NPAS3: variants seen among roughly 807,000 people sequenced by gnomAD.
NPAS3 encodes neuronal PAS domain-containing protein 3.
A neutral mutation model predicts 73.1 loss-of-function variants in NPAS3; 14 were observed. That is an observed-to-expected ratio of 0.19 (90% confidence interval 0.13 to 0.30). The LOEUF is 0.30. NPAS3 is among the 10% of genes least tolerant of loss of function. The pLI is 1.00. For missense variants in NPAS3, 1,096 were observed against 1,250.0 expected (o/e 0.88, Z 1.86); for synonymous variants, 620 against 541.5 (o/e 1.14, Z -2.01).
At chr14:33,754,298 G>T (rs1422246703) in intron 7 of NPAS3, among the ~76,000 whole-genome samples, 1 of 152,136 alleles carries the variant, frequency 6.6e-6, no homozygotes, top group Non-Finnish European at 1.5e-5. Flanking sequence ...GGAATCCGGG[G>T]TATCAAAAGA....
In NPAS3 at chr14:33,076,970, G is replaced by A. The variant is rs111278948; in HGVS notation, c.140+20976G>A. On this transcript the variant is annotated intron_variant, in intron 2 of 11. Coordinates refer to ENST00000356141, the Ensembl canonical transcript of NPAS3. ...AAATATCCAGGACTTTGTGAGGCTT[G>A]ATGAGGCTTATTCATTTGTATAAAG... Among the ~76,000 whole-genome samples the A allele has an allele frequency of 6.4e-3, 975 of 152,222 alleles. 9 individuals carry two copies. Among genetic ancestry groups the A allele is most frequent in the African/African-American group, 0.023 (941 of 41,506 alleles).
At chr14:33,278,521 C>A (rs1276714416) in intron 3 of NPAS3, among the ~76,000 whole-genome samples, 1 of 148,568 alleles carries the variant, frequency 6.7e-6, no homozygotes, top group Non-Finnish European at 1.5e-5. Flanking sequence ...AAAAAAGTAT[C>A]TCAAGAACGA....
At chr14:33,489,561 G>A (rs2051787760) in intron 4 of NPAS3, among the ~76,000 whole-genome samples, 1 of 152,162 alleles carries the variant, frequency 6.6e-6, no homozygotes, top group Admixed American at 6.6e-5. Flanking sequence ...CACTTTAAAA[G>A]AATGTAAACT....
intron 1 of NPAS3, among the ~76,000 whole-genome samples, chr14:33,053,800 C>A (rs572151909): frequency 6.6e-6 from 1 of 152,124 alleles, no homozygotes; most frequent in South Asian, 2.1e-4. Context: ...TCTTTTCCCC[C>A]CTTCCTCTCT....
chr14:33,616,147 G>A (rs1161834738), intron 5 of NPAS3, among the ~76,000 whole-genome samples: 1 of 152,176 alleles, frequency 6.6e-6, no homozygotes, highest in Non-Finnish European at 1.5e-5. Flanking sequence ...CTTTTCTTAA[G>A]CCTGCCAACT....
At chr14:33,584,599 T>G (rs1242875641) in intron 5 of NPAS3, among the ~76,000 whole-genome samples, 1 of 152,178 alleles carries the variant, frequency 6.6e-6, no homozygotes, top group Non-Finnish European at 1.5e-5. Flanking sequence ...GGGCTTATAC[T>G]TAAACTTCTA....
intron 5 of NPAS3, among the ~76,000 whole-genome samples, chr14:33,591,686 T>C (rs1404401440): frequency 6.6e-6 from 1 of 152,204 alleles, no homozygotes; most frequent in Non-Finnish European, 1.5e-5. Context: ...TTTAATTAGG[T>C]ATGTCCCCCC....
At chr14:33,323,424 A>G (rs915733377) in intron 3 of NPAS3, among the ~76,000 whole-genome samples, 5 of 152,236 alleles carry the variant, frequency 3.3e-5, no homozygotes, top group Non-Finnish European at 5.9e-5. Flanking sequence ...TTTTGCTGAG[A>G]TATTCCAATC....
chr14:33,108,589 C>A (rs989846529), intron 2 of NPAS3, among the ~76,000 whole-genome samples: 15 of 152,140 alleles, frequency 9.9e-5, no homozygotes, highest in African/African-American at 3.4e-4. Context: ...ATTTTAGAAT[C>A]TGCTGTGACA....
chr14:33,418,245 G>C (rs1261080905), intron 4 of NPAS3, among the ~76,000 whole-genome samples: 1 of 151,826 alleles, frequency 6.6e-6, no homozygotes, highest in African/African-American at 2.4e-5. Flanking sequence ...CCCAGGGAAA[G>C]GGCTAATAAA....
rs1413529551 is a variant in NPAS3, at chr14:33,800,163, G to A, written c.1856G>A (p.Ser619Asn). Reference sequence around the variant, plus strand: ...AGCGCCAGCCGCCGGCGCCTGTCCAGCGCGTCGAGCCCAGGCGGCCTGGAC... The same window carrying A: ...AGCGCCAGCCGCCGGCGCCTGTCCAACGCGTCGAGCCCAGGCGGCCTGGAC... The change falls in exon 12 of 12, where the codon AGC (serine) becomes AAC (asparagine). Residue 619 changes from serine to asparagine, a missense_variant. Coordinates refer to ENST00000356141, the Ensembl canonical transcript of NPAS3. This position sits in a 1 kb window ranked among gnomAD's most constrained non-coding sequence, Gnocchi z 6.5. 6.9e-6 allele frequency: 11 copies of A among 1,604,540 alleles called. No homozygotes were observed.
chr14:33,725,517 A>G (rs1296298539), intron 6 of NPAS3, among the ~76,000 whole-genome samples: 2 of 152,094 alleles, frequency 1.3e-5, no homozygotes, highest in African/African-American at 4.8e-5. Context: ...TTCTCTGGAC[A>G]TATCTATTTA....
At chr14:33,578,616 T>A (rs954460734) in intron 5 of NPAS3, among the ~76,000 whole-genome samples, 1 of 152,242 alleles carries the variant, frequency 6.6e-6, no homozygotes, top group Non-Finnish European at 1.5e-5. Context: ...ATTTGCTGAC[T>A]GACTGAATAT....
At chr14:33,112,887 C>G (rs1019189551) in intron 2 of NPAS3, among the ~76,000 whole-genome samples, 2 of 152,102 alleles carry the variant, frequency 1.3e-5, no homozygotes, top group Admixed American at 6.6e-5. Context: ...CTACATATGG[C>G]TAGCCAGTTT....
chr14:33,304,083 A>AT (rs1243940821), intron 3 of NPAS3, among the ~76,000 whole-genome samples: 3 of 152,118 alleles, frequency 2.0e-5, no homozygotes, highest in African/African-American at 7.2e-5. Context: ...AATTTTTTGT[A>AT]TTTTTAGTAA....
At chr14:33,784,540 C>T (rs1566538117) in intron 9 of NPAS3, among the ~76,000 whole-genome samples, 1 of 151,968 alleles carries the variant, frequency 6.6e-6, no homozygotes, top group Non-Finnish European at 1.5e-5. Flanking sequence ...TGGTCTAAGG[C>T]ATTGCAGGCT....
At chr14:33,734,628 C>G (rs2061479646) in intron 6 of NPAS3, among the ~76,000 whole-genome samples, 1 of 152,112 alleles carries the variant, frequency 6.6e-6, no homozygotes, top group African/African-American at 2.4e-5. Context: ...CTGTTTCTGT[C>G]TATACATCCC....
chr14:33,686,435 T>C (rs1315784048), intron 6 of NPAS3, among the ~76,000 whole-genome samples: 2 of 152,154 alleles, frequency 1.3e-5, no homozygotes, highest in Non-Finnish European at 2.9e-5. Context: ...CAAAAAAGTT[T>C]AGAAGGAACC....
chr14:33,271,448 T>TG (rs201218033), intron 3 of NPAS3, among the ~76,000 whole-genome samples: 20,390 of 151,852 alleles, frequency 0.13, 1,593 homozygotes, highest in Middle Eastern at 0.21. Flanking sequence ...TGGCTAGCTG[T>TG]TGGGGAGAAG....
Sources: allele counts gnomAD v4.1 joint callset (sites outside exome capture counted in the v4.1 genomes callset), GRCh38; gene constraint gnomAD v4.1.1; non-coding constraint Gnocchi (gnomAD v3.1); transcripts MANE v1.5; gene names NCBI Gene and HGNC (gene_info 2026-07-23, HGNC 2026-07-21).